Variants in SLC7A14 observed in about 807,000 individuals in gnomAD.
The protein encoded by SLC7A14 is solute carrier family 7 member 14.
In SLC7A14, 37 loss-of-function variants were observed where a neutral mutation model predicts 60.2. The ratio of observed to expected loss-of-function variants is 0.61; its 90% CI spans 0.47 to 0.81. The LOEUF (loss-of-function observed/expected upper bound fraction) is 0.81, where lower values mean the gene tolerates loss of function less well. Ranked by LOEUF, SLC7A14 falls within the 30% of genes least tolerant of loss-of-function variation. SLC7A14 has a pLI of 0.00. For missense variants in SLC7A14, 886 were observed against 982.7 expected (o/e 0.90, Z 1.32); for synonymous variants, 399 against 395.8 (o/e 1.01, Z -0.10).
intron 1 of SLC7A14, among the ~76,000 whole-genome samples, chr3:170,559,737 C>G (rs568459153): frequency 1.3e-5 from 2 of 152,298 alleles, no homozygotes; most frequent in South Asian, 4.1e-4. Flanking sequence ...CTCTTCCTTT[C>G]CCTCTTTTTT....
intron 1 of SLC7A14, among the ~76,000 whole-genome samples, chr3:170,566,603 C>T (rs925958743): frequency 1.5e-4 from 23 of 152,214 alleles, no homozygotes; most frequent in Non-Finnish European, 2.9e-4. Flanking sequence ...TCAGAACCTT[C>T]CATCACTGTC....
chr3:170,543,413 G>A (rs955602909), intron 1 of SLC7A14, among the ~76,000 whole-genome samples: 9 of 152,096 alleles, frequency 5.9e-5, no homozygotes, highest in Admixed American at 1.3e-4. Flanking sequence ...ACTTTGGGAG[G>A]CTGAGGTGGG....
chr3:170,494,441 T>C (rs1712317889), intron 4 of SLC7A14, among the ~76,000 whole-genome samples: 1 of 152,172 alleles, frequency 6.6e-6, no homozygotes, highest in Non-Finnish European at 1.5e-5. Flanking sequence ...TGAGGCAGGC[T>C]CCTGATTGAG....
At chr3:170,541,919 A>G (rs1478691737) in intron 1 of SLC7A14, among the ~76,000 whole-genome samples, 1 of 152,234 alleles carries the variant, frequency 6.6e-6, no homozygotes, top group Non-Finnish European at 1.5e-5. Flanking sequence ...AGCTCCCAGA[A>G]TAACGTGCAT....
chr3:170,498,883 C>T lies in SLC7A14; in HGVS notation c.543G>A (p.Gly181=), dbSNP rs1247666247. The T allele has an allele frequency of 6.2e-7, 1 of 1,613,988 alleles. No individual in the cohort carries two copies. Among genetic ancestry groups the T allele is most frequent in the South Asian group, 1.1e-5 (1 of 91,080 alleles). ...GGTCTGGGTATGATTCTTCACCTTT[C>T]CCTAGAGAGGAAAGACATGATTTGA... ...ADSVGTLNGL[G]KGEESYPDLL... Residue 181 remains glycine (G), a splice_region_variant and synonymous_variant, in exon 4 of 8, where the codon GGG becomes GGA. Coordinates refer to ENST00000231706, the MANE Select transcript of SLC7A14 (RefSeq NM_020949.3).
intron 1 of SLC7A14, among the ~76,000 whole-genome samples, chr3:170,575,186 C>T (rs1192405991): frequency 2.0e-5 from 3 of 152,164 alleles, no homozygotes; most frequent in African/African-American, 7.2e-5. Context: ...GTCTGAAATC[C>T]TATCTCTTAT....
In SLC7A14 at chr3:170,464,956, C is replaced by T. The variant is rs1161615276; in HGVS notation, c.*2099G>A. On this transcript the variant is annotated 3_prime_UTR_variant, in exon 8 of 8. Transcript: ENST00000231706. ...TTTACACCAGGCAGATTTGTTGAGT[C>T]CTATAGCCAATTCAAAACTTTGTTT... 1.3e-5 allele frequency: 2 copies of T among 152,130 alleles called. No individual in the cohort carries two copies. Among genetic ancestry groups the T allele is most frequent in the Admixed American group, 1.3e-4 (2 of 15,270 alleles). The allele number at this position is 152,130 out of a possible 1,614,324, so 9.4% of individuals were successfully genotyped here.
intron 2 of SLC7A14, among the ~76,000 whole-genome samples, chr3:170,523,876 A>T (rs191723732): frequency 6.6e-6 from 1 of 152,218 alleles, no homozygotes; most frequent in African/African-American, 2.4e-5. Context: ...ACCAACAATC[A>T]TAAGAGTGAG....
intron 2 of SLC7A14, among the ~76,000 whole-genome samples, chr3:170,522,541 AG>A (rs1310599190): frequency 2.0e-5 from 3 of 152,242 alleles, no homozygotes; most frequent in Non-Finnish European, 4.4e-5. Flanking sequence ...CAAACTTAAA[AG>A]GTTATATACT....
At chr3:170,566,409 T>C (rs924542746) in intron 1 of SLC7A14, among the ~76,000 whole-genome samples, 1 of 152,292 alleles carries the variant, frequency 6.6e-6, no homozygotes, top group East Asian at 1.9e-4. Context: ...TCAAACAAGA[T>C]TTCAGTGATA....
At chr3:170,539,549 A>T (rs2108299326) in intron 1 of SLC7A14, among the ~76,000 whole-genome samples, 1 of 152,070 alleles carries the variant, frequency 6.6e-6, no homozygotes, top group Non-Finnish European at 1.5e-5. Flanking sequence ...GTTTCGAGTA[A>T]TTTATCTTGA....
chr3:170,523,358 G>A (rs1713394102), intron 2 of SLC7A14, among the ~76,000 whole-genome samples: 1 of 152,110 alleles, frequency 6.6e-6, no homozygotes, highest in Non-Finnish European at 1.5e-5. Flanking sequence ...CTAGCTTTCT[G>A]TCTAACTTTC....
chr3:170,527,046 G>GT lies in SLC7A14; in HGVS notation c.-111_-110insA. 8.3e-7 allele frequency: 1 copy of GT among 1,206,606 alleles called. No individual in the cohort carries two copies. The highest frequency in any genetic ancestry group is 1.1e-6 in the Non-Finnish European group (1 of 883,478). 74.7% of individuals were successfully genotyped at this position (1,206,606 alleles called of 1,614,324 possible). On this transcript the variant is annotated 5_prime_UTR_variant, in exon 2 of 8. It removes the in-frame stop codon of an upstream open reading frame in the 5' UTR. Transcript: ENST00000231706. ...GAACAGGGATCTCCCTTTTAGGAAA[G>GT]GCCCAGAGGGACCCAGTGCAGCCTT...
chr3:170,482,941 T>A (rs7631412), intron 6 of SLC7A14, among the ~76,000 whole-genome samples: 79,486 of 149,996 alleles, frequency 0.53, 22,840 homozygotes, highest in Middle Eastern at 0.67. Context: ...CTGTGGAGAG[T>A]GGGGCAGTTA....
intron 4 of SLC7A14, chr3:170,495,899 G>A: frequency 7.0e-7 from 1 of 1,427,732 alleles, no homozygotes; most frequent in Non-Finnish European, 9.8e-7. Flanking sequence ...CTCTGGGCTA[G>A]GAGAAGCTGA....
At chr3:170,509,730 A>C (rs977016714) in intron 2 of SLC7A14, among the ~76,000 whole-genome samples, 1 of 151,854 alleles carries the variant, frequency 6.6e-6, no homozygotes, top group African/African-American at 2.4e-5. Flanking sequence ...GGATCACCTG[A>C]TGTCAGGAGT....
chr3:170,512,982 G>A (rs1023702049), intron 2 of SLC7A14, among the ~76,000 whole-genome samples: 25 of 152,152 alleles, frequency 1.6e-4, no homozygotes, highest in African/African-American at 6.0e-4. Flanking sequence ...TGGCCGCAGT[G>A]TCTTCTGTGC....
At chr3:170,564,261 A>C (rs146616044) in intron 1 of SLC7A14, among the ~76,000 whole-genome samples, 1 of 152,356 alleles carries the variant, frequency 6.6e-6, no homozygotes, top group Admixed American at 6.5e-5. Flanking sequence ...AATCATTTCC[A>C]GAGCCTCCGA....
At position 170,480,883 on chromosome 3, in the gene SLC7A14, C is replaced by G. The variant is rs370905712; in HGVS notation, c.1399G>C (p.Val467Leu). 2 of 1,613,970 alleles carry G rather than the reference C, an allele frequency of 1.2e-6. No individual in the cohort carries two copies. The highest frequency in any genetic ancestry group is 1.3e-5 in the African/African-American group (1 of 74,892). The change falls in exon 7 of 8, where the codon GTG becomes CTG. Residue 467 changes from valine to leucine, a missense_variant. By Grantham distance (32) the Val-to-Leu change is conservative (BLOSUM62 1). Transcript: ENST00000231706. ...ADCEKEACSPVSEGDEFSGPA... is the reference protein window; with the variant it reads ...ADCEKEACSPLSEGDEFSGPA... ...CCAGAAAACTCATCCCCCTCACTCA[C>G]AGGAGAACAAGCTTCCTTCTCACAG...
Sources: gnomAD v4.1 joint callset for allele counts (sites outside exome capture counted in the v4.1 genomes callset) on GRCh38, gnomAD v4.1.1 for gene constraint, MANE v1.5 for transcripts, NCBI Gene and HGNC (gene_info 2026-07-23, HGNC 2026-07-21) for gene names.